The following DENND1A variants were observed in gnomAD, a reference collection of about 807,000 sequenced individuals.
DENND1A encodes the protein DENN domain containing 1A.
A neutral mutation model predicts 113.7 loss-of-function variants in DENND1A; 51 were observed. The ratio of observed to expected loss-of-function variants is 0.45; its 90% confidence interval spans 0.36 to 0.57. The LOEUF (loss-of-function observed/expected upper bound fraction) is 0.57. DENND1A is among the 20% of genes least tolerant of loss of function. The probability of loss-of-function intolerance (pLI) is 0.00; values close to 1 mark genes in which losing one functional copy is unlikely to be tolerated. For synonymous variants in DENND1A, 565 were observed against 570.8 expected, an observed-to-expected ratio of 0.99 and a Z score of 0.14; for missense variants, 1,258 against 1,395.9, an observed-to-expected ratio of 0.90 and a Z score of 1.57.
At chr9:123,683,258 C>T (rs939323201) in intron 5 of DENND1A, among the ~76,000 whole-genome samples, 2 of 152,018 alleles carry the variant, frequency 1.3e-5, no homozygotes, top group African/African-American at 4.8e-5. Flanking sequence ...CTTAACAAGA[C>T]ATGAAGAGAA....
At chr9:123,786,926 A>T (rs1050805761) in intron 3 of DENND1A, among the ~76,000 whole-genome samples, 9 of 149,362 alleles carry the variant, frequency 6.0e-5, no homozygotes, top group African/African-American at 2.0e-4. Context: ...GAAAAGAATT[A>T]AAAAAAAAAC....
chr9:123,779,947 A>G (rs943344717), intron 3 of DENND1A, among the ~76,000 whole-genome samples: 1 of 148,214 alleles, frequency 6.7e-6, no homozygotes, highest in Non-Finnish European at 1.5e-5. Flanking sequence ...ACTGCAACCC[A>G]GGGTTCAACC....
At chr9:123,919,781 C>G (rs1343977353) in intron 1 of DENND1A, among the ~76,000 whole-genome samples, 1 of 149,082 alleles carries the variant, frequency 6.7e-6, no homozygotes, top group Admixed American at 6.7e-5. Flanking sequence ...ACTGGGGTGG[C>G]TGAGGCACGA....
intron 5 of DENND1A, among the ~76,000 whole-genome samples, chr9:123,681,432 T>C (rs2064448743): frequency 6.6e-6 from 1 of 151,820 alleles, no homozygotes. Context: ...GTTCAAACAG[T>C]AGCACATGCT....
intron 7 of DENND1A, among the ~76,000 whole-genome samples, chr9:123,668,664 A>G (rs1027116651): frequency 1.3e-5 from 2 of 152,234 alleles, no homozygotes; most frequent in Non-Finnish European, 2.9e-5. Flanking sequence ...ATGGCAAATG[A>G]CAGCTAAAGG....
chr9:123,712,530 A>G (rs1322431448), intron 5 of DENND1A, among the ~76,000 whole-genome samples: 1 of 152,206 alleles, frequency 6.6e-6, no homozygotes, highest in Non-Finnish European at 1.5e-5. Context: ...AAGTATATGG[A>G]GCATTTAGAA....
chr9:123,579,407 G>T (rs995070623), intron 12 of DENND1A, among the ~76,000 whole-genome samples: 2 of 151,996 alleles, frequency 1.3e-5, no homozygotes, highest in African/African-American at 4.8e-5. Flanking sequence ...GTCCTTAAAT[G>T]TTTTTTTGAA....
chr9:123,768,116 C>T (rs1012557742), intron 4 of DENND1A, among the ~76,000 whole-genome samples: 1 of 152,194 alleles, frequency 6.6e-6, no homozygotes, highest in African/African-American at 2.4e-5. Flanking sequence ...ATTACAAAGA[C>T]TGACCCTCTT....
chr9:123,573,572 C>T (rs1487955394), intron 12 of DENND1A, among the ~76,000 whole-genome samples: 2 of 151,880 alleles, frequency 1.3e-5, no homozygotes, highest in Admixed American at 1.3e-4. Flanking sequence ...TTAAATGGTA[C>T]TTTAAAAAAT....
At chr9:123,620,073 G>A (rs992139119) in intron 10 of DENND1A, among the ~76,000 whole-genome samples, 18 of 151,778 alleles carry the variant, frequency 1.2e-4, no homozygotes, top group African/African-American at 4.4e-4. Flanking sequence ...AATTAGCTGG[G>A]TGTGGTGGCG....
At chr9:123,618,639 C>T (rs2060780028) in intron 10 of DENND1A, among the ~76,000 whole-genome samples, 1 of 152,146 alleles carries the variant, frequency 6.6e-6, no homozygotes, top group Admixed American at 6.5e-5. Context: ...AGGCTGTGGT[C>T]CAGACAGCTC....
intron 2 of DENND1A, among the ~76,000 whole-genome samples, chr9:123,845,486 A>T (rs1187210689): frequency 6.6e-6 from 1 of 151,732 alleles, no homozygotes; most frequent in Non-Finnish European, 1.5e-5. Flanking sequence ...CCAAAATAGC[A>T]AAACCTCATC....
At chr9:123,701,468 T>C (rs989788886) in intron 5 of DENND1A, among the ~76,000 whole-genome samples, 1 of 152,146 alleles carries the variant, frequency 6.6e-6, no homozygotes, top group African/African-American at 2.4e-5. Context: ...AGGTCCCCAA[T>C]ACTGAGCCTG....
chr9:123,810,851 C>T (rs370972298), intron 2 of DENND1A, among the ~76,000 whole-genome samples: 25 of 151,646 alleles, frequency 1.6e-4, no homozygotes, highest in Non-Finnish European at 2.5e-4. Flanking sequence ...CTCTGCCTCC[C>T]GGGTTCAAGT....
At chr9:123,707,669 T>C (rs1038890903) in intron 5 of DENND1A, among the ~76,000 whole-genome samples, 1 of 152,002 alleles carries the variant, frequency 6.6e-6, no homozygotes, top group African/African-American at 2.4e-5. Flanking sequence ...CAAGAGCAGA[T>C]TCAGAGGGGT....
intron 5 of DENND1A, among the ~76,000 whole-genome samples, chr9:123,716,455 A>G (rs2066983957): frequency 6.6e-6 from 1 of 152,342 alleles, no homozygotes; most frequent in Non-Finnish European, 1.5e-5. Flanking sequence ...CAGAGCCATC[A>G]CAGCTGCCTT....
chr9:123,835,749 C>T (rs115877189), intron 2 of DENND1A, among the ~76,000 whole-genome samples: 1,539 of 151,958 alleles, frequency 0.01, 28 homozygotes, highest in African/African-American at 0.035. Flanking sequence ...TCGTTCACTC[C>T]GATAGAAAAA....
chr9:123,390,295 A>G (rs1036251943), intron 21 of DENND1A, among the ~76,000 whole-genome samples: 1 of 152,144 alleles, frequency 6.6e-6, no homozygotes, highest in African/African-American at 2.4e-5. Context: ...CCACTTTACC[A>G]TCTTCCTGGA....
chr9:123,417,172 C>T (rs949757341), intron 19 of DENND1A, among the ~76,000 whole-genome samples: 3 of 152,138 alleles, frequency 2.0e-5, no homozygotes, highest in African/African-American at 4.8e-5. Context: ...TACAGCCGCA[C>T]GAGGTTCTGG....
Sources: allele counts gnomAD v4.1 joint callset (sites outside exome capture counted in the v4.1 genomes callset), GRCh38; gene constraint gnomAD v4.1.1; transcripts MANE v1.5; gene names NCBI Gene and HGNC (gene_info 2026-07-23, HGNC 2026-07-21).